Variants in FASTKD2 observed in about 807,000 individuals in gnomAD.
FASTKD2 encodes the protein FAST kinase domains 2.
A neutral mutation model predicts 63.6 loss-of-function variants in FASTKD2; 51 were observed. The observed-to-expected ratio is 0.80, with a 90% CI of 0.64 to 1.01. The LOEUF is 1.01. FASTKD2 is among the 50% of genes least tolerant of loss of function. The probability of loss-of-function intolerance (pLI) is 0.00; values close to 1 mark genes in which losing one functional copy is unlikely to be tolerated. For synonymous variants in FASTKD2, 284 were observed against 293.4 expected (o/e 0.97, Z 0.33); for missense variants, 786 against 831.1 (o/e 0.95, Z 0.67).
intron 8 of FASTKD2, among the ~76,000 whole-genome samples, chr2:206,787,157 C>T (rs1458769863): frequency 6.6e-6 from 1 of 152,160 alleles, no homozygotes; most frequent in Non-Finnish European, 1.5e-5. Context: ...TTTATTTATA[C>T]TCTATCCTTC....
intron 7 of FASTKD2, among the ~76,000 whole-genome samples, chr2:206,786,039 G>A (rs1465457534): frequency 6.6e-6 from 1 of 152,014 alleles, no homozygotes; most frequent in Non-Finnish European, 1.5e-5. Context: ...TTTCCTCTGC[G>A]AGATCACAGT....
At chr2:206,780,238 T>A (rs947852022) in intron 7 of FASTKD2, among the ~76,000 whole-genome samples, 1 of 152,216 alleles carries the variant, frequency 6.6e-6, no homozygotes, top group Non-Finnish European at 1.5e-5. Flanking sequence ...TTCACATTGA[T>A]GTTTTGTGTT....
intron 7 of FASTKD2, among the ~76,000 whole-genome samples, chr2:206,784,477 G>C (rs1233673286): frequency 1.3e-5 from 2 of 152,220 alleles, no homozygotes; most frequent in African/African-American, 4.8e-5. Context: ...CGGGGAGAGG[G>C]TGTTAAATCC....
chr2:206,787,637 C>T (rs1008858581), intron 8 of FASTKD2, among the ~76,000 whole-genome samples: 1 of 152,148 alleles, frequency 6.6e-6, no homozygotes, highest in Non-Finnish European at 1.5e-5. Context: ...GCCTTAATTA[C>T]GAGGCTTTTT....
At position 206,771,966 on chromosome 2, in the gene FASTKD2, A is replaced by G. The variant is rs766550165; in HGVS notation, c.1063A>G (p.Met355Val). 5.0e-6 allele frequency: 8 copies of G among 1,613,022 alleles called. No homozygotes were observed. The highest frequency in any genetic ancestry group is 2.7e-5 in the African/African-American group (2 of 74,932). Residue 355 changes from methionine (M) to valine (V), a missense_variant, in exon 5 of 12, where the codon ATG (methionine) becomes GTG (valine). Physicochemically the swap from Met to Val is conservative, Grantham distance 21. Transcript: ENST00000402774. ...SQHMFEVLAA[M>V]NHRSLILLDE... ...ACACATGTTTGAAGTACTAGCTGCC[A>G]TGAATCACCGATCTCTTATACTCCT...
At chr2:206,791,573 C>A in intron 11 of FASTKD2, 110 bp from the exon 12 acceptor site, 1 of 1,007,656 alleles carries the variant, frequency 9.9e-7, no homozygotes, top group Non-Finnish European at 1.6e-6. Flanking sequence ...GTCACATTTG[C>A]TTTCAAAAAG....
intron 2 of FASTKD2, 73 bp downstream of exon 2, chr2:206,767,543 T>C: frequency 9.0e-7 from 1 of 1,115,270 alleles, no homozygotes; most frequent in South Asian, 1.3e-5. Context: ...GGGATATAGA[T>C]ATGTAGCCTT....
intron 7 of FASTKD2, among the ~76,000 whole-genome samples, chr2:206,781,300 T>A (rs1213780049): frequency 1.4e-5 from 2 of 141,262 alleles, no homozygotes; most frequent in Admixed American, 1.5e-4. Context: ...AAACTTTTTC[T>A]ATGATTTTTT....
At chr2:206,781,661 T>C (rs571940187) in intron 7 of FASTKD2, among the ~76,000 whole-genome samples, 2 of 138,394 alleles carry the variant, frequency 1.4e-5, no homozygotes, top group East Asian at 2.5e-4. Flanking sequence ...ACTGGTTTCT[T>C]TTTTTTAATT....
At chr2:206,775,266 C>G (rs1231801255) in intron 7 of FASTKD2, among the ~76,000 whole-genome samples, 1 of 151,664 alleles carries the variant, frequency 6.6e-6, no homozygotes, top group African/African-American at 2.4e-5. Context: ...AATATATCCA[C>G]AAGTGAGATC....
In FASTKD2 at chr2:206,766,750, C is replaced by G; in HGVS notation, c.57C>G (p.Asn19Lys). 1 of 1,613,882 alleles carries G rather than the reference C, an allele frequency of 6.2e-7. No homozygotes were observed. Among genetic ancestry groups the G allele is most frequent in the Non-Finnish European group, 8.5e-7 (1 of 1,179,944 alleles). ...GSVSVESKMN[N>K]KAGSFFWNLR... ...TTTCAGTGGAGAGCAAAATGAATAA[C>G]AAAGCGGGCTCCTTTTTCTGGAACC... Residue 19 changes from asparagine (N) to lysine (K), a missense_variant, in exon 2 of 12, where the codon AAC becomes AAG. Asn to Lys is a moderately conservative substitution (Grantham distance 94). Transcript: ENST00000402774.
intron 4 of FASTKD2, 34 bp from the exon 5 acceptor site, chr2:206,771,860 T>C: frequency 1.4e-6 from 2 of 1,479,434 alleles, no homozygotes; most frequent in Non-Finnish European, 1.9e-6. Flanking sequence ...TTGTCACAGA[T>C]AGTAAATTAA....
At chr2:206,781,875 C>T (rs1468243346) in intron 7 of FASTKD2, among the ~76,000 whole-genome samples, 2 of 151,920 alleles carry the variant, frequency 1.3e-5, no homozygotes, top group East Asian at 1.9e-4. Flanking sequence ...ATGCTGGTTT[C>T]GTCCGCTCTC....
intron 7 of FASTKD2, among the ~76,000 whole-genome samples, chr2:206,781,801 T>C (rs903845955): frequency 6.6e-6 from 1 of 152,016 alleles, no homozygotes; most frequent in Non-Finnish European, 1.5e-5. Flanking sequence ...CCTTGAGTTG[T>C]GCTGTCTGCT....
At position 206,765,820 on chromosome 2, in the gene FASTKD2, G is replaced by C. The variant is rs186200600; in HGVS notation, c.-51+73G>C. On this transcript the variant is annotated intron_variant, in intron 1 of 11. Coordinates refer to ENST00000402774, the MANE Select transcript of FASTKD2 (RefSeq NM_001136193.2). ...GGACAGGCTCTTGAAGTTGGTTCTG[G>C]GGTCTGGTGAGGCTGGCTGGTTGTA... 3 of 152,918 alleles carry C rather than the reference G, an allele frequency of 2.0e-5. No homozygotes were observed. In the East Asian group the frequency reaches 5.8e-4, roughly 30 times the overall value. The allele number at this position is 152,918 out of a possible 1,614,324, so 9.5% of individuals were successfully genotyped here.
At position 206,793,276 on chromosome 2, in the gene FASTKD2, A is replaced by G. The variant is rs546107378; in HGVS notation, c.*1474A>G. Among the ~76,000 whole-genome samples, 1 of 150,358 alleles carries G rather than the reference A, an allele frequency of 6.7e-6. No individual in the cohort carries two copies. Among genetic ancestry groups the G allele is most frequent in the African/African-American group, 2.5e-5 (1 of 40,416 alleles). Reference sequence around the variant, plus strand: ...ATACAAAAACTATAGCAATATGACAACAGCTGCCAGGTTGTATCAATTTAT... The same window carrying G: ...ATACAAAAACTATAGCAATATGACAGCAGCTGCCAGGTTGTATCAATTTAT... On this transcript the variant is annotated 3_prime_UTR_variant, in exon 12 of 12. Coordinates refer to ENST00000402774, the MANE Select transcript of FASTKD2 (RefSeq NM_001136193.2).
chr2:206,767,598 A>G (rs1348945318), intron 2 of FASTKD2, 128 bp downstream of exon 2: 2 of 740,750 alleles, frequency 2.7e-6, no homozygotes, highest in East Asian at 2.7e-5. Flanking sequence ...CTTTATATTT[A>G]TTTCTGCATA....
At chr2:206,786,495 G>T (rs1350633181) in intron 7 of FASTKD2, 1 of 485,710 alleles carries the variant, frequency 2.1e-6, no homozygotes, top group Middle Eastern at 5.9e-4. Flanking sequence ...TAATACCCAT[G>T]GAGTTTTTTA....
Position 206,790,662 on chromosome 2 carries a change from T to G in FASTKD2, c.1989T>G (p.Asn663Lys), listed in dbSNP as rs1476942352. 1 of 1,608,436 alleles carries G rather than the reference T, an allele frequency of 6.2e-7. No individual in the cohort carries two copies. Among genetic ancestry groups the G allele is most frequent in the Admixed American group, 1.7e-5 (1 of 60,008 alleles). ...GFLAMKMRHL[N>K]AMGFHVILVN... is the part of the protein sequence containing the mutation. ...TTGCTATGAAAATGCGGCATTTGAA[T>G]GCAATGGGTTTTCATGTGATCTTGG... Residue 663 changes from asparagine (N) to lysine (K), a missense_variant, in exon 11 of 12, where the codon AAT (asparagine) becomes AAG (lysine). Physicochemically the swap from Asn to Lys is moderately conservative, Grantham distance 94. Coordinates refer to ENST00000402774, the MANE Select transcript of FASTKD2 (RefSeq NM_001136193.2).
Sources: allele counts gnomAD v4.1 joint callset (sites outside exome capture counted in the v4.1 genomes callset), GRCh38; gene constraint gnomAD v4.1.1; transcripts MANE v1.5; gene names NCBI Gene and HGNC (gene_info 2026-07-23, HGNC 2026-07-21).